The following DNAH6 variants were observed in gnomAD, a reference collection of about 807,000 sequenced individuals.
DNAH6 encodes the protein dynein axonemal heavy chain 6.
A neutral mutation model predicts 491.4 loss-of-function variants in DNAH6; 340 were observed. The ratio of observed to expected loss-of-function variants is 0.69; its 90% CI spans 0.63 to 0.76. The LOEUF (loss-of-function observed/expected upper bound fraction) is 0.76. Ranked by LOEUF, DNAH6 falls within the 30% of genes least tolerant of loss-of-function variation. The pLI is 0.00. For missense variants in DNAH6, 4,443 were observed against 4,972.2 expected (o/e 0.89, Z 3.20); for synonymous variants, 1,603 against 1,686.1 (o/e 0.95, Z 1.21).
Position 84,819,462 on chromosome 2 carries a change from G to A in DNAH6, c.*54G>A. ...ACCAGGCCAGAGATCTTTCCTAATGGGAGCAAAAGGTTTGAATAATTTATA... is the reference window on the plus strand; with the variant it reads ...ACCAGGCCAGAGATCTTTCCTAATGAGAGCAAAAGGTTTGAATAATTTATA... On this transcript the variant is annotated 3_prime_UTR_variant, in exon 77 of 77. Coordinates refer to ENST00000389394, the MANE Select transcript of DNAH6 (RefSeq NM_001370.2). The A allele has an allele frequency of 1.7e-6, 2 of 1,167,026 alleles. No individual in the cohort carries two copies. The highest frequency in any genetic ancestry group is 1.6e-5 in the African/African-American group (1 of 63,756). The allele number at this position is 1,167,026 out of a possible 1,614,324, so 72.3% of individuals were successfully genotyped here. A position where few individuals can be genotyped will look rare whatever the true frequency, so the allele number is the denominator to read the frequency against.
intron 7 of DNAH6, 23 bp downstream of exon 7, chr2:84,547,635 A>G (rs1440447915): frequency 3.9e-6 from 6 of 1,548,964 alleles, no homozygotes; most frequent in South Asian, 2.4e-5. Flanking sequence ...AAGAACCTCA[A>G]TATATCAGAA....
chr2:84,646,586 G>A (rs1689920584), intron 33 of DNAH6, among the ~76,000 whole-genome samples: 1 of 152,210 alleles, frequency 6.6e-6, no homozygotes, highest in African/African-American at 2.4e-5. Flanking sequence ...TGGTAAGAAA[G>A]AGAAAGTAAC....
chr2:84,797,301 G>T (rs1678449015), intron 69 of DNAH6, among the ~76,000 whole-genome samples: 2 of 152,234 alleles, frequency 1.3e-5, no homozygotes, highest in Admixed American at 1.3e-4. Flanking sequence ...ATCTTTAAAT[G>T]CGCTGGAGAA....
chr2:84,670,377 A>T lies in DNAH6; in HGVS notation c.6356A>T (p.Tyr2119Phe). The T allele has an allele frequency of 6.5e-7, 1 of 1,543,918 alleles. No individual in the cohort carries two copies. Among genetic ancestry groups the T allele is most frequent in the Non-Finnish European group, 8.8e-7 (1 of 1,141,770 alleles). ...AATAAAATTCAAGAATCAGCTGGCT[A>T]TGTCCCTGTTTATCTAAATTTTTCT... ...LLNKIQESAG[Y>F]VPVYLNFSAQ... Residue 2119 changes from tyrosine to phenylalanine, a missense_variant, in exon 39 of 77, where the codon TAT becomes TTT. Tyr to Phe is a conservative substitution (Grantham distance 22, BLOSUM62 3). Transcript: ENST00000389394.
chr2:84,670,722 C>T (rs1692657073), intron 39 of DNAH6, among the ~76,000 whole-genome samples: 1 of 152,214 alleles, frequency 6.6e-6, no homozygotes, highest in Admixed American at 6.5e-5. Context: ...ATGGCTCTCC[C>T]TCTCTCCACC....
At chr2:84,815,684 T>G (rs897563302) in intron 75 of DNAH6, among the ~76,000 whole-genome samples, 177 bp from the exon 76 acceptor site, 5 of 152,228 alleles carry the variant, frequency 3.3e-5, no homozygotes, top group African/African-American at 1.2e-4. Flanking sequence ...CACATTATTA[T>G]TACATTTTTT....
At chr2:84,809,978 G>A (rs1679806060) in intron 72 of DNAH6, among the ~76,000 whole-genome samples, 1 of 152,194 alleles carries the variant, frequency 6.6e-6, no homozygotes, top group South Asian at 2.1e-4. Context: ...GGGGTGCTAT[G>A]TGCCCAGCTA....
chr2:84,782,521 G>A (rs1045729017), intron 65 of DNAH6, among the ~76,000 whole-genome samples: 1 of 152,176 alleles, frequency 6.6e-6, no homozygotes, highest in African/African-American at 2.4e-5. Flanking sequence ...AGTCTGCTCT[G>A]GTCACTGAGC....
intron 15 of DNAH6, among the ~76,000 whole-genome samples, 185 bp from the exon 16 acceptor site, chr2:84,588,628 TTTATATAAATGTG>T (rs1378754779): frequency 6.6e-6 from 1 of 152,232 alleles, no homozygotes; most frequent in Non-Finnish European, 1.5e-5. Context: ...TCCATGGCAC[TTTATATAAATGTG>T]TACTTTTTAT....
Position 84,819,382 on chromosome 2 carries a change from G to A in DNAH6, c.12451G>A (p.Ala4151Thr). 1 of 1,551,228 alleles carries A rather than the reference G, an allele frequency of 6.4e-7. No homozygotes were observed. The highest frequency in any genetic ancestry group is 1.4e-5 in the African/African-American group (1 of 73,144). The change falls in exon 77 of 77, where the codon GCT becomes ACT. Residue 4151 changes from alanine (A) to threonine (T), a missense_variant. By Grantham distance (58) the Ala-to-Thr change is moderately conservative (BLOSUM62 0). Transcript: ENST00000389394. ...AGACTACTGGATTGCCAAGGGATCA[G>A]CTTTGCTCTGCCAGCTGAGCGAATG... ...SKDYWIAKGS[A>T]LLCQLSE
chr2:84,632,264 C>T (rs568171532), intron 29 of DNAH6, among the ~76,000 whole-genome samples: 2 of 152,272 alleles, frequency 1.3e-5, no homozygotes, highest in African/African-American at 4.8e-5. Flanking sequence ...TGGATAAGAG[C>T]AAGGCTGCCA....
intron 74 of DNAH6, among the ~76,000 whole-genome samples, chr2:84,813,591 T>C (rs964842248): frequency 1.3e-5 from 2 of 152,220 alleles, no homozygotes; most frequent in South Asian, 4.1e-4. Context: ...ACCCAAGCCC[T>C]TCATCTCTCT....
rs571312915 is a variant in DNAH6 at position 84,586,313 on chromosome 2, G to A, written c.2481+2063G>A. ...AACTGGCTCCATGGAGTGTGCCACTGGCTCCATGGAGTGTGCAGCCCTGGC... is the reference window on the plus strand; with the variant it reads ...AACTGGCTCCATGGAGTGTGCCACTAGCTCCATGGAGTGTGCAGCCCTGGC... On this transcript the variant is annotated intron_variant, in intron 15 of 76. Transcript: ENST00000389394. Among the ~76,000 whole-genome samples, 165 of 152,314 alleles carry A rather than the reference G, an allele frequency of 1.1e-3. 5 individuals are homozygous for A. In the South Asian group the frequency reaches 0.031, roughly 29 times the overall value.
the DNAH6 span, among the ~76,000 whole-genome samples, chr2:84,492,623 G>A: frequency 6.6e-5 from 10 of 151,832 alleles, no homozygotes; most frequent in Non-Finnish European, 1.5e-4. Flanking sequence ...CTTTTAGTGG[G>A]GTTTTAAGAA....
chr2:84,713,383 A>C, intron 57 of DNAH6, 124 bp downstream of exon 57: 1 of 886,342 alleles, frequency 1.1e-6, no homozygotes, highest in Non-Finnish European at 1.7e-6. Context: ...TCTCCTATAC[A>C]CTCCCCTTTC....
chr2:84,718,297 CGAA>C lies in DNAH6; in HGVS notation c.9708_9710del (p.Glu3237del). ...CTGATAAAAACCAGTTGAAAACTATCGAAGAGAAAATCCTGAGAATGCTCTTTA... is the reference window on the plus strand; with the variant it reads ...CTGATAAAAACCAGTTGAAAACTATCGAGAAAATCCTGAGAATGCTCTTTA... On this transcript the variant is annotated inframe_deletion, in exon 59 of 77. Transcript: ENST00000389394. 6.4e-7 allele frequency: 1 copy of C among 1,551,054 alleles called. No individual in the cohort carries two copies. Among genetic ancestry groups the C allele is most frequent in the South Asian group, 1.2e-5 (1 of 83,874 alleles).
At chr2:84,610,280 G>A (rs145469926) in intron 21 of DNAH6, among the ~76,000 whole-genome samples, 1 of 152,220 alleles carries the variant, frequency 6.6e-6, no homozygotes, top group African/African-American at 2.4e-5. Context: ...GAAGAAAAAG[G>A]ATCCTAGCAA....
At chr2:84,537,886 T>C (rs1005247371) in intron 4 of DNAH6, among the ~76,000 whole-genome samples, 3 of 152,072 alleles carry the variant, frequency 2.0e-5, no homozygotes, top group African/African-American at 7.2e-5. Flanking sequence ...TTATAAGGCA[T>C]AGTGGGGTAC....
At chr2:84,697,442 G>A in intron 46 of DNAH6, 133 bp from the exon 47 acceptor site, 1 of 987,956 alleles carries the variant, frequency 1.0e-6, no homozygotes, top group Non-Finnish European at 1.4e-6. Context: ...GAACTTCAGG[G>A]TTCCATGAAA....
Sources: gnomAD v4.1 joint callset for allele counts (sites outside exome capture counted in the v4.1 genomes callset) on GRCh38, gnomAD v4.1.1 for gene constraint, MANE v1.5 for transcripts, NCBI Gene and HGNC (gene_info 2026-07-23, HGNC 2026-07-21) for gene names.